The following MBTD1 variants were observed in gnomAD, a reference collection of about 807,000 sequenced individuals.
MBTD1 encodes the protein mbt domain containing 1.
A neutral mutation model predicts 87.8 loss-of-function variants in MBTD1; 24 were observed. The observed-to-expected ratio is 0.27, with a 90% CI of 0.20 to 0.38. The LOEUF is 0.38. Among genes scored for constraint, MBTD1 ranks in the 10% least tolerant of loss-of-function variants. The probability of loss-of-function intolerance (pLI) is 1.00; values close to 1 mark genes in which losing one functional copy is unlikely to be tolerated. For synonymous variants in MBTD1, 237 were observed against 248.6 expected, an observed-to-expected ratio of 0.95 and a Z score of 0.44; for missense variants, 436 against 760.2, an observed-to-expected ratio of 0.57 and a Z score of 5.02.
chr17:51,234,763 G>A (rs1163437194), intron 2 of MBTD1, among the ~76,000 whole-genome samples: 1 of 152,100 alleles, frequency 6.6e-6, no homozygotes, highest in Non-Finnish European at 1.5e-5. Context: ...GTGCAATCTC[G>A]GCTCACCGCA....
At chr17:51,191,295 CTT>C (rs2050799973) in intron 16 of MBTD1, among the ~76,000 whole-genome samples, 2 of 132,728 alleles carry the variant, frequency 1.5e-5, no homozygotes, top group South Asian at 4.6e-4. Flanking sequence ...GAGTTTTGCT[CTT>C]GTTGCCCAGG....
chr17:51,195,534 T>C (rs961035296), intron 12 of MBTD1, among the ~76,000 whole-genome samples, 173 bp from the exon 13 acceptor site: 1 of 152,202 alleles, frequency 6.6e-6, no homozygotes, highest in South Asian at 2.1e-4. Flanking sequence ...AAAAAATCTA[T>C]GTAAATTCTA....
intron 6 of MBTD1, among the ~76,000 whole-genome samples, chr17:51,214,047 GTA>G (rs2052419467): frequency 6.6e-6 from 1 of 152,018 alleles, no homozygotes; most frequent in Admixed American, 6.6e-5. Context: ...ATGTGTGTGT[GTA>G]TGTGTGTATA....
intron 2 of MBTD1, among the ~76,000 whole-genome samples, chr17:51,249,004 A>C (rs2054613681): frequency 6.6e-6 from 1 of 152,098 alleles, no homozygotes; most frequent in South Asian, 2.1e-4. Context: ...TAATCCCAGC[A>C]CTATGGGAGG....
intron 2 of MBTD1, among the ~76,000 whole-genome samples, chr17:51,228,210 G>C (rs2053340751): frequency 6.6e-6 from 1 of 151,984 alleles, no homozygotes; most frequent in Admixed American, 6.6e-5. Flanking sequence ...CAGACACTGG[G>C]GCCTATTGGA....
chr17:51,219,180 C>A (rs369816968), intron 4 of MBTD1, 136 bp from the exon 5 acceptor site: 3 of 568,708 alleles, frequency 5.3e-6, no homozygotes, highest in African/African-American at 1.9e-5. Context: ...AGGAAACATA[C>A]AAGAATTTTA....
intron 6 of MBTD1, among the ~76,000 whole-genome samples, chr17:51,214,597 GCT>G (rs2052459983): frequency 6.6e-6 from 1 of 152,132 alleles, no homozygotes; most frequent in South Asian, 2.1e-4. Context: ...AGAAGCCAGG[GCT>G]CTGACAGCGT....
chr17:51,219,506 G>A (rs1383541231), intron 4 of MBTD1, among the ~76,000 whole-genome samples: 2 of 152,164 alleles, frequency 1.3e-5, no homozygotes, highest in Non-Finnish European at 2.9e-5. Context: ...AAATGATCAT[G>A]GGCCAAATTC....
At chr17:51,205,933 CA>C (rs1459740130) in intron 7 of MBTD1, among the ~76,000 whole-genome samples, 13 of 152,122 alleles carry the variant, frequency 8.5e-5, no homozygotes, top group Non-Finnish European at 1.5e-5. Context: ...AAAAATCTGT[CA>C]CAGTAGTAAT....
intron 16 of MBTD1, chr17:51,185,576 T>G: frequency 6.6e-6 from 1 of 152,230 alleles, no homozygotes; most frequent in Non-Finnish European, 1.5e-5. Context: ...CTGCCACAAC[T>G]AAAATTAAAC....
chr17:51,192,137 A>G, intron 16 of MBTD1, 66 bp downstream of exon 16: 1 of 1,130,832 alleles, frequency 8.8e-7, no homozygotes, highest in Admixed American at 2.0e-5. Context: ...TTTTCTGTCC[A>G]AGAATACTGT....
Position 51,201,655 on chromosome 17 carries a change from T to A in MBTD1, c.1161A>T (p.Gly387=). The A allele has an allele frequency of 6.2e-7, 1 of 1,612,334 alleles. No individual in the cohort carries two copies. The highest frequency in any genetic ancestry group is 8.5e-7 in the Non-Finnish European group (1 of 1,178,936). ...ATGGGTCTATAGCTTCCAATTTCAT[T>A]CCTTCCTTGAACCATTCCCCACTCT... ...VDQSGEWFKE[G]MKLEAIDPLN... The change falls in exon 12 of 17, where the codon GGA becomes GGT. Residue 387 remains glycine (G), a synonymous_variant. Transcript: ENST00000586178.
At chr17:51,187,253 A>T (rs1306641263) in intron 16 of MBTD1, among the ~76,000 whole-genome samples, 1 of 151,846 alleles carries the variant, frequency 6.6e-6, no homozygotes, top group Non-Finnish European at 1.5e-5. Context: ...ACACAGTGAG[A>T]CCCATCTCTA....
At chr17:51,246,048 TAAC>T (rs1406822573) in intron 2 of MBTD1, among the ~76,000 whole-genome samples, 1 of 152,230 alleles carries the variant, frequency 6.6e-6, no homozygotes, top group South Asian at 2.1e-4. Context: ...CATAGGTTTT[TAAC>T]AACGTTTTTA....
At chr17:51,203,075 A>T (rs2051587140) in intron 9 of MBTD1, 65 bp downstream of exon 9, 1 of 1,368,828 alleles carries the variant, frequency 7.3e-7, no homozygotes, top group East Asian at 2.3e-5. Flanking sequence ...CCAATTCCTT[A>T]AAAATGTTCT....
chr17:51,210,345 G>A (rs191111353), intron 6 of MBTD1, among the ~76,000 whole-genome samples: 36 of 152,254 alleles, frequency 2.4e-4, no homozygotes, highest in Non-Finnish European at 4.0e-4. Context: ...GGTGGTAGCA[G>A]GCAGATGGGG....
intron 3 of MBTD1, among the ~76,000 whole-genome samples, chr17:51,224,367 T>C (rs1461567153): frequency 2.6e-5 from 4 of 152,166 alleles, no homozygotes. Flanking sequence ...AAGATGTCAT[T>C]AGAACAAGGA....
chr17:51,188,753 GT>G (rs767959315), intron 16 of MBTD1, among the ~76,000 whole-genome samples: 9,632 of 108,952 alleles, frequency 0.088, 204 homozygotes, highest in African/African-American at 0.16. Context: ...ATTCAAATAG[GT>G]TTTTTTTTTT....
chr17:51,208,344 A>C (rs547249512), intron 6 of MBTD1, among the ~76,000 whole-genome samples: 2 of 152,334 alleles, frequency 1.3e-5, no homozygotes, highest in East Asian at 3.9e-4. Context: ...GGAAGGGTAC[A>C]TATAACTATC....
Sources: allele counts gnomAD v4.1 joint callset (sites outside exome capture counted in the v4.1 genomes callset), GRCh38; gene constraint gnomAD v4.1.1; transcripts MANE v1.5; gene names NCBI Gene and HGNC (gene_info 2026-07-23, HGNC 2026-07-21).